The following DISC1 variants were observed in gnomAD, a reference collection of about 807,000 sequenced individuals.
DISC1 encodes disrupted in schizophrenia 1 protein.
Under a neutral mutation model 84.5 loss-of-function variants are expected in DISC1, and 57 were observed. The observed-to-expected ratio is 0.67, with a 90% CI of 0.55 to 0.84. The LOEUF is 0.84. Ranked by LOEUF, DISC1 falls within the 40% of genes least tolerant of loss-of-function variation. The pLI is 0.00. For synonymous variants in DISC1, 411 were observed against 415.2 expected (o/e 0.99, Z 0.12); for missense variants, 1,000 against 1,057.8 (o/e 0.95, Z 0.76).
At chr1:231,824,756 T>C (rs1442314769) in intron 9 of DISC1, among the ~76,000 whole-genome samples, 1 of 152,200 alleles carries the variant, frequency 6.6e-6, no homozygotes, top group Non-Finnish European at 1.5e-5. Context: ...ACCTGATATA[T>C]ATAGCATCAG....
At chr1:231,827,278 G>A (rs191201457) in intron 9 of DISC1, among the ~76,000 whole-genome samples, 113 of 152,162 alleles carry the variant, frequency 7.4e-4, no homozygotes, top group African/African-American at 2.6e-3. Context: ...GAGCCACTGC[G>A]CCCAGCATAA....
chr1:232,033,949 C>T (rs910632108), intron 12 of DISC1, among the ~76,000 whole-genome samples: 19 of 152,190 alleles, frequency 1.2e-4, no homozygotes, highest in Non-Finnish European at 1.5e-5. Flanking sequence ...GTCTTGTTTG[C>T]AAAATTAGGA....
chr1:231,666,932 C>T (rs1181801810), intron 1 of DISC1, among the ~76,000 whole-genome samples: 2 of 152,162 alleles, frequency 1.3e-5, no homozygotes, highest in African/African-American at 2.4e-5. Context: ...GCCTCAAACC[C>T]TCTGGGCTTC....
intron 10 of DISC1, among the ~76,000 whole-genome samples, chr1:231,983,550 T>TG (rs1553413788): frequency 0.024 from 130 of 5,382 alleles, no homozygotes; most frequent in Admixed American, 0.029. Context: ...GGGGTGGGGG[T>TG]GGGGGGAGGT....
chr1:231,930,613 T>A (rs2090600902), intron 9 of DISC1, among the ~76,000 whole-genome samples: 1 of 152,114 alleles, frequency 6.6e-6, no homozygotes, highest in Non-Finnish European at 1.5e-5. Context: ...ATGGCTCACA[T>A]AGCCTCTAAA....
intron 9 of DISC1, among the ~76,000 whole-genome samples, chr1:231,840,611 A>C (rs1277104180): frequency 6.6e-6 from 1 of 152,150 alleles, no homozygotes; most frequent in East Asian, 1.9e-4. Context: ...CTCTAAGGGC[A>C]GGGTTTAGGA....
chr1:231,695,238 T>TC (rs1255392662), intron 2 of DISC1, among the ~76,000 whole-genome samples: 2 of 152,228 alleles, frequency 1.3e-5, no homozygotes, highest in African/African-American at 4.8e-5. Flanking sequence ...TTCCCTTCCA[T>TC]CCTGCTGCAG....
At chr1:231,780,238 A>T (rs78133718) in intron 6 of DISC1, among the ~76,000 whole-genome samples, 100 of 22,256 alleles carry the variant, frequency 4.5e-3, no homozygotes, top group Admixed American at 0.014. Context: ...AAAGTATAAT[A>T]AAAAAAAAAA....
At chr1:231,933,482 G>C (rs552140674) in intron 9 of DISC1, among the ~76,000 whole-genome samples, 95 of 152,102 alleles carry the variant, frequency 6.2e-4, no homozygotes, top group African/African-American at 2.3e-3. Flanking sequence ...TTAAGGTTTT[G>C]TTCTTTTGGT....
intron 3 of DISC1, chr1:231,722,570 A>G (rs748660606): frequency 6.2e-7 from 1 of 1,614,198 alleles, no homozygotes; most frequent in East Asian, 2.2e-5. Flanking sequence ...CCACCATGGA[A>G]GCCTCGACAT....
chr1:231,848,014 T>C (rs12139880), intron 9 of DISC1, among the ~76,000 whole-genome samples: 32,360 of 152,090 alleles, frequency 0.21, 4,099 homozygotes, highest in East Asian at 0.43. Context: ...GACTTTATTT[T>C]TTTAGGTGGG....
At chr1:231,921,558 T>TG (rs2090013353) in intron 9 of DISC1, among the ~76,000 whole-genome samples, 2 of 28,902 alleles carry the variant, frequency 6.9e-5, no homozygotes, top group Admixed American at 8.8e-4. Flanking sequence ...TTATAATATG[T>TG]GAAATGATTG....
chr1:231,736,639 G>A (rs1381242968), intron 3 of DISC1, among the ~76,000 whole-genome samples: 1 of 152,202 alleles, frequency 6.6e-6, no homozygotes, highest in Non-Finnish European at 1.5e-5. Flanking sequence ...AGGTTAGTCT[G>A]AAATACATTT....
At chr1:231,834,634 A>T (rs2082496212) in intron 9 of DISC1, among the ~76,000 whole-genome samples, 1 of 151,812 alleles carries the variant, frequency 6.6e-6, no homozygotes, top group Non-Finnish European at 1.5e-5. Context: ...TAAGTTGAAT[A>T]GGTTTTAGGT....
intron 10 of DISC1, among the ~76,000 whole-genome samples, chr1:231,977,990 C>T (rs749902579): frequency 1.3e-5 from 2 of 152,020 alleles, no homozygotes; most frequent in Non-Finnish European, 2.9e-5. Flanking sequence ...TTTTCCTTTA[C>T]TTCCTTCTTT....
intron 3 of DISC1, among the ~76,000 whole-genome samples, chr1:231,744,792 A>G (rs2125290148): frequency 6.6e-6 from 1 of 152,274 alleles, no homozygotes; most frequent in Admixed American, 6.5e-5. Context: ...TGATCTATCT[A>G]TCTATTCTTT....
chr1:231,709,136 T>G (rs2067472041), intron 3 of DISC1, among the ~76,000 whole-genome samples: 1 of 152,194 alleles, frequency 6.6e-6, no homozygotes, highest in Non-Finnish European at 1.5e-5. Flanking sequence ...ACAGGAGAAT[T>G]TACAATTCTG....
At chr1:231,992,050 T>C (rs1384599870) in intron 10 of DISC1, among the ~76,000 whole-genome samples, 2 of 152,210 alleles carry the variant, frequency 1.3e-5, no homozygotes, top group Non-Finnish European at 2.9e-5. Flanking sequence ...CAGTTATTTC[T>C]CATGCTGCAA....
Position 231,770,889 on chromosome 1 carries a change from C to T in DISC1, c.1453C>T (p.Gln485Ter), listed in dbSNP as rs1216921266. ...GTTTGTGCTGGAAGCCAAAGATCAA[C>T]AGCTGAGAAGGGAAATAGAGGAGCA... The part of the protein sequence containing the change: ...RMFVLEAKDQ[Q>*]LRREIEEQEQ... The change falls in exon 6 of 13, where the codon CAG (glutamine) becomes TAG (stop). Residue 485 changes from glutamine to a stop codon, truncating the protein, a stop_gained. Coordinates refer to ENST00000439617, the MANE Select transcript of DISC1 (RefSeq NM_018662.3). LOFTEE classifies it high-confidence loss of function. 1 of 1,614,196 alleles carries T rather than the reference C, an allele frequency of 6.2e-7. No individual in the cohort carries two copies. Among genetic ancestry groups the T allele is most frequent in the South Asian group, 1.1e-5 (1 of 91,082 alleles).
Sources: allele counts gnomAD v4.1 joint callset (sites outside exome capture counted in the v4.1 genomes callset), GRCh38; gene constraint gnomAD v4.1.1; transcripts MANE v1.5; gene names NCBI Gene and HGNC (gene_info 2026-07-23, HGNC 2026-07-21).